Variants in ISM2 observed in about 807,000 individuals in gnomAD.
ISM2 encodes the protein isthmin 2, also known as isthmin-2.
ISM2 carries 50 observed loss-of-function variants against 58.0 expected under a neutral mutation model. That is an observed-to-expected ratio of 0.86 (90% CI 0.69 to 1.09). ISM2 has a LOEUF of 1.09. Ranked by LOEUF, ISM2 falls within the 50% of genes least tolerant of loss-of-function variation. ISM2 has a pLI of 0.00. For synonymous variants in ISM2, 303 were observed against 312.4 expected (o/e 0.97, Z 0.32); for missense variants, 723 against 745.0 (o/e 0.97, Z 0.34).
At chr14:77,495,459 C>A (rs762805920) in intron 1 of ISM2, among the ~76,000 whole-genome samples, 1 of 152,166 alleles carries the variant, frequency 6.6e-6, no homozygotes, top group Non-Finnish European at 1.5e-5. Flanking sequence ...GCAGTAAGTA[C>A]TAAAATAGAA....
intron 1 of ISM2, among the ~76,000 whole-genome samples, chr14:77,492,949 T>C (rs2079215430): frequency 2.0e-5 from 3 of 151,830 alleles, no homozygotes; most frequent in Admixed American, 1.3e-4. Context: ...GAGCCAAGAT[T>C]GTGCCATTGC....
chr14:77,484,193 C>T, intron 3 of ISM2, 130 bp downstream of exon 3: 7 of 1,212,982 alleles, frequency 5.8e-6, no homozygotes, highest in Non-Finnish European at 8.1e-6. Context: ...CATGGGGAGC[C>T]TGCCCTCTGA....
At chr14:77,482,755 GTGAGAGGCCCAAC>G in intron 3 of ISM2, 88 bp from the exon 4 acceptor site, 1 of 806,064 alleles carries the variant, frequency 1.2e-6, no homozygotes. Flanking sequence ...AGGGTCAGAG[GTGAGAGGCCCAAC>G]CTTTCCTTCA....
chr14:77,487,615 C>T (rs2079176340), intron 1 of ISM2, among the ~76,000 whole-genome samples: 1 of 152,220 alleles, frequency 6.6e-6, no homozygotes, highest in African/African-American at 2.4e-5. Flanking sequence ...GAGTCTCCCT[C>T]TCTGTACGTC....
intron 4 of ISM2, among the ~76,000 whole-genome samples, chr14:77,479,795 A>T (rs2079120999): frequency 6.6e-6 from 1 of 152,010 alleles, no homozygotes; most frequent in Non-Finnish European, 1.5e-5. Context: ...GATTACAGGC[A>T]TGAGCCACTG....
At position 77,475,979 on chromosome 14, in the gene ISM2, T is replaced by C. The variant is rs1232916364; in HGVS notation, c.1332A>G (p.Leu444=). The C allele has an allele frequency of 1.9e-6, 3 of 1,595,692 alleles. No homozygotes were observed. Among genetic ancestry groups the C allele is most frequent in the Non-Finnish European group, 2.5e-6 (3 of 1,177,318 alleles). The change falls in exon 7 of 7, where the codon CTA becomes CTG. Residue 444 remains leucine, a synonymous_variant. Coordinates refer to ENST00000342219, the MANE Select transcript of ISM2 (RefSeq NM_199296.3). This position sits in a 1 kb window ranked among gnomAD's most constrained non-coding sequence, Gnocchi z 4.1. ...AGCTGCGGCCCTGGTGCTCGTCCTG[T>C]AGGCTCACAGGGCTGTCCATGGCCT... ...PLEAMDSPVS[L]QDEHQGRSFR... is the part of the protein sequence containing the mutation.
At chr14:77,495,593 C>T (rs560028449) in intron 1 of ISM2, among the ~76,000 whole-genome samples, 21 of 152,266 alleles carry the variant, frequency 1.4e-4, no homozygotes, top group Non-Finnish European at 2.4e-4. Context: ...TTCTCCACTA[C>T]GGGCAGTGGG....
chr14:77,476,671 A>AT (rs2079100660), intron 6 of ISM2, among the ~76,000 whole-genome samples: 1 of 151,982 alleles, frequency 6.6e-6, no homozygotes, highest in Admixed American at 6.6e-5. Context: ...TTTAAACTAT[A>AT]TTTTTATTTA....
At chr14:77,488,532 G>A (rs543423207) in intron 1 of ISM2, among the ~76,000 whole-genome samples, 4 of 152,270 alleles carry the variant, frequency 2.6e-5, no homozygotes, top group Non-Finnish European at 5.9e-5. Context: ...CCACATGACC[G>A]GGGTTCAATC....
chr14:77,482,952 A>G (rs1172599680), intron 3 of ISM2: 7 of 325,278 alleles, frequency 2.2e-5, no homozygotes, highest in Admixed American at 4.8e-5. Context: ...GGCGGTTCTA[A>G]CACATGCCAG....
chr14:77,476,142 A>C, intron 6 of ISM2, 30 bp from the exon 7 acceptor site: 1 of 1,502,004 alleles, frequency 6.7e-7, no homozygotes, highest in Non-Finnish European at 8.8e-7. Flanking sequence ...GCAGGAGGGA[A>C]GCCAGTGACA....
intron 2 of ISM2, 38 bp from the exon 3 acceptor site, chr14:77,484,603 G>T (rs1408718963): frequency 6.2e-7 from 1 of 1,607,002 alleles, no homozygotes; most frequent in East Asian, 2.2e-5. Flanking sequence ...GACAGGTTAG[G>T]GCTTACCCAA....
chr14:77,484,772 G>GA lies in ISM2; in HGVS notation c.288dup (p.Pro97SerfsTer28). 20 of 1,611,790 alleles carry GA rather than the reference G, an allele frequency of 1.2e-5. No individual in the cohort carries two copies. Among genetic ancestry groups the GA allele is most frequent in the Non-Finnish European group, 1.5e-5 (18 of 1,179,494 alleles). ...AACGGAGTAACCTCTGGGGTCCTGG[G>GA]AGGGGTGGCGTTGCCTGGGGTCATG... On this transcript the variant is annotated frameshift_variant, in exon 2 of 7. Transcript: ENST00000342219. LOFTEE classifies it high-confidence loss of function.
At chr14:77,497,502 C>G (rs1566760401) in intron 1 of ISM2, among the ~76,000 whole-genome samples, 1 of 151,030 alleles carries the variant, frequency 6.6e-6, no homozygotes, top group Non-Finnish European at 1.5e-5. Context: ...CTGGGACACA[C>G]AGTGAGACCC....
At chr14:77,478,737 G>A (rs1238734703) in intron 4 of ISM2, 22 bp from the exon 5 acceptor site, 2 of 1,602,444 alleles carry the variant, frequency 1.2e-6, no homozygotes, top group East Asian at 2.2e-5. Flanking sequence ...CAGGGAGTTG[G>A]GGGTGAGTGC....
chr14:77,485,652 A>G (rs1238317860), intron 1 of ISM2, among the ~76,000 whole-genome samples: 1 of 152,254 alleles, frequency 6.6e-6, no homozygotes, highest in African/African-American at 2.4e-5. Flanking sequence ...CTAGGGGCTC[A>G]GTGGCTGCCA....
At chr14:77,478,152 A>C (rs1222937653) in intron 6 of ISM2, 90 bp downstream of exon 6, 1 of 1,069,644 alleles carries the variant, frequency 9.3e-7, no homozygotes, top group Non-Finnish European at 1.4e-6. Flanking sequence ...TAGTGGAAAG[A>C]AGCCAGGTTC....
At chr14:77,490,265 G>A (rs979305261) in intron 1 of ISM2, among the ~76,000 whole-genome samples, 1 of 152,246 alleles carries the variant, frequency 6.6e-6, no homozygotes, top group Non-Finnish European at 1.5e-5. Context: ...CCAAAGTGCT[G>A]GGATTACAGG....
At chr14:77,488,059 C>T (rs1014526739) in intron 1 of ISM2, among the ~76,000 whole-genome samples, 5 of 152,236 alleles carry the variant, frequency 3.3e-5, no homozygotes, top group Non-Finnish European at 7.3e-5. Flanking sequence ...CTGGACACAT[C>T]TTACACACCA....
Sources: gnomAD v4.1 joint callset for allele counts (sites outside exome capture counted in the v4.1 genomes callset) on GRCh38, gnomAD v4.1.1 for gene constraint, Gnocchi (gnomAD v3.1) non-coding constraint, MANE v1.5 for transcripts, NCBI Gene and HGNC (gene_info 2026-07-23, HGNC 2026-07-21) for gene names.